The following TAFA2 variants were observed in gnomAD, a reference collection of about 807,000 sequenced individuals.
TAFA2 encodes chemokine-like protein TAFA-2.
A neutral mutation model predicts 18.8 loss-of-function variants in TAFA2; 7 were observed. The ratio of observed to expected loss-of-function variants is 0.37; its 90% CI spans 0.21 to 0.70. The LOEUF is 0.70. Among genes scored for constraint, TAFA2 ranks in the 30% least tolerant of loss-of-function variants. The pLI, the probability that TAFA2 is intolerant of heterozygous loss-of-function variation, is 0.53. For synonymous variants in TAFA2, 60 were observed against 54.2 expected (o/e 1.11, Z -0.47); for missense variants, 122 against 158.1 (o/e 0.77, Z 1.23).
intron 1 of TAFA2, among the ~76,000 whole-genome samples, chr12:62,201,401 G>A (rs1341248256): frequency 6.6e-6 from 1 of 152,034 alleles, no homozygotes; most frequent in Non-Finnish European, 1.5e-5. Context: ...TTTATTTTGA[G>A]GTATGTTCCA....
intron 2 of TAFA2, among the ~76,000 whole-genome samples, chr12:61,857,755 G>T (rs1301055419): frequency 6.6e-6 from 1 of 151,056 alleles, no homozygotes; most frequent in Non-Finnish European, 1.5e-5. Context: ...TAGTCTGAAG[G>T]TTCACCCCCT....
chr12:61,952,021 T>C (rs977509668), intron 1 of TAFA2, among the ~76,000 whole-genome samples: 1 of 152,136 alleles, frequency 6.6e-6, no homozygotes, highest in African/African-American at 2.4e-5. Flanking sequence ...GTGTTACTGA[T>C]GGCTAAGTGG....
At chr12:61,853,775 GAC>G in intron 2 of TAFA2, among the ~76,000 whole-genome samples, 1 of 152,176 alleles carries the variant, frequency 6.6e-6, no homozygotes, top group Admixed American at 6.5e-5. Flanking sequence ...TTTTTTAAGA[GAC>G]ACAGAGTTAT....
chr12:61,820,422 T>A (rs1284861848), intron 2 of TAFA2, among the ~76,000 whole-genome samples: 2 of 151,966 alleles, frequency 1.3e-5, no homozygotes, highest in African/African-American at 4.8e-5. Flanking sequence ...TAATAAGCAG[T>A]AATAGTGTGG....
intron 4 of TAFA2, among the ~76,000 whole-genome samples, chr12:61,744,625 G>A (rs150710799): frequency 1.6e-4 from 25 of 152,170 alleles, no homozygotes; most frequent in Non-Finnish European, 2.6e-4. Context: ...CACAATCATG[G>A]CTTACTGCAG....
chr12:61,885,366 G>GGCACTATGAA (rs1218104791), intron 1 of TAFA2, among the ~76,000 whole-genome samples: 1 of 152,080 alleles, frequency 6.6e-6, no homozygotes, highest in Admixed American at 6.6e-5. Context: ...ATAGTGCCAG[G>GGCACTATGAA]GTGCAGGGCA....
At chr12:61,975,287 T>TACATCTCCCCATTCCTTCTTCCC (rs1879389696) in intron 1 of TAFA2, among the ~76,000 whole-genome samples, 1 of 151,764 alleles carries the variant, frequency 6.6e-6, no homozygotes, top group South Asian at 2.1e-4. Context: ...CCCTTTGACC[T>TACATCTCCCCATTCCTTCTTCCC]ACATCTCCCC....
At chr12:61,914,440 GCCTAT>G (rs1283202112) in intron 1 of TAFA2, among the ~76,000 whole-genome samples, 3 of 152,156 alleles carry the variant, frequency 2.0e-5, no homozygotes, top group Non-Finnish European at 2.9e-5. Flanking sequence ...CACCTTGAAT[GCCTAT>G]AAGGTTGGAA....
In TAFA2 at chr12:61,842,329, C is replaced by T. The variant is rs180879989; in HGVS notation, c.106+24991G>A. ...ATGGCTAATATCAAGTGCAACTAAG[C>T]GCCCTTGTTCTAAAGGCAGATGCTA... is the stretch of plus-strand genomic sequence containing the variant. On this transcript the variant is annotated intron_variant, in intron 2 of 4. Coordinates refer to ENST00000416284, the MANE Select transcript of TAFA2 (RefSeq NM_178539.5). 2.6e-5 allele frequency among the ~76,000 whole-genome samples: 4 copies of T among 152,046 alleles called. No homozygotes were observed. In the East Asian group the frequency reaches 5.8e-4, roughly 22 times the overall value.
chr12:62,136,982 A>G (rs536344328), intron 1 of TAFA2, among the ~76,000 whole-genome samples: 1 of 152,232 alleles, frequency 6.6e-6, no homozygotes, highest in East Asian at 1.9e-4. Flanking sequence ...ACTTTCCTCC[A>G]TCCTCCACCC....
intron 2 of TAFA2, among the ~76,000 whole-genome samples, chr12:61,768,282 C>T (rs1306937148): frequency 6.6e-6 from 1 of 152,102 alleles, no homozygotes; most frequent in East Asian, 1.9e-4. Flanking sequence ...CTGCAAAAGA[C>T]ACTGTCAGTC....
intron 1 of TAFA2, among the ~76,000 whole-genome samples, chr12:61,955,001 C>T (rs973531078): frequency 6.6e-6 from 1 of 151,986 alleles, no homozygotes; most frequent in Non-Finnish European, 1.5e-5. Context: ...TATAACCCTT[C>T]CTGAATACTC....
At chr12:61,987,410 A>G (rs1879856489) in intron 1 of TAFA2, among the ~76,000 whole-genome samples, 1 of 152,202 alleles carries the variant, frequency 6.6e-6, no homozygotes. Flanking sequence ...TCAACTCATC[A>G]CTGAACGAAT....
chr12:62,116,376 A>G (rs114215296), intron 1 of TAFA2, among the ~76,000 whole-genome samples: 2,735 of 152,326 alleles, frequency 0.018, 80 homozygotes, highest in African/African-American at 0.06. Context: ...ATATAAGCCC[A>G]CAATCATTAT....
At chr12:62,002,967 A>C (rs1204642184) in intron 1 of TAFA2, among the ~76,000 whole-genome samples, 1 of 152,064 alleles carries the variant, frequency 6.6e-6, no homozygotes, top group Non-Finnish European at 1.5e-5. Context: ...TCCTTCACCC[A>C]TCTGACATCC....
At chr12:62,165,218 C>T (rs997550918) in intron 1 of TAFA2, among the ~76,000 whole-genome samples, 5 of 152,072 alleles carry the variant, frequency 3.3e-5, no homozygotes, top group Non-Finnish European at 7.4e-5. Flanking sequence ...TTTAACCTTT[C>T]TGCTGCATTT....
At chr12:61,867,012 G>T (rs1307046035) in intron 2 of TAFA2, among the ~76,000 whole-genome samples, 1 of 151,540 alleles carries the variant, frequency 6.6e-6, no homozygotes, top group Non-Finnish European at 1.5e-5. Context: ...ATGTATACAT[G>T]TGTCATGTTG....
intron 1 of TAFA2, among the ~76,000 whole-genome samples, chr12:62,076,273 A>T (rs1367982766): frequency 6.6e-6 from 1 of 152,156 alleles, no homozygotes; most frequent in Non-Finnish European, 1.5e-5. Flanking sequence ...TGAAAAAAAA[A>T]TTTATTTGAA....
chr12:62,146,909 C>G (rs1224292874), intron 1 of TAFA2, among the ~76,000 whole-genome samples: 2 of 152,010 alleles, frequency 1.3e-5, no homozygotes, highest in Non-Finnish European at 2.9e-5. Flanking sequence ...GTTACTCCCT[C>G]TTGGTAAAGT....
Sources: allele counts gnomAD v4.1 joint callset (sites outside exome capture counted in the v4.1 genomes callset), GRCh38; gene constraint gnomAD v4.1.1; transcripts MANE v1.5; gene names NCBI Gene and HGNC (gene_info 2026-07-23, HGNC 2026-07-21).